Variants in WWOX observed in about 807,000 individuals in gnomAD.
The protein encoded by WWOX is WW domain-containing oxidoreductase.
Under a neutral mutation model 46.2 loss-of-function variants are expected in WWOX, and 69 were observed. The observed-to-expected ratio is 1.49, with a 90% CI of 1.23 to 1.82. The LOEUF (loss-of-function observed/expected upper bound fraction) is 1.82. WWOX is among the 40% of genes most tolerant of loss of function. The pLI is 0.00. For missense variants in WWOX, 919 were observed against 542.6 expected, an observed-to-expected ratio of 1.69 and a Z score of -6.89; for synonymous variants, 359 against 202.6, an observed-to-expected ratio of 1.77 and a Z score of -6.56.
chr16:78,938,015 T>C (rs981172715), intron 8 of WWOX, among the ~76,000 whole-genome samples: 2 of 152,218 alleles, frequency 1.3e-5, no homozygotes, highest in Non-Finnish European at 2.9e-5. Flanking sequence ...CCTAAGGTAT[T>C]GCTGTCCTCA....
intron 8 of WWOX, among the ~76,000 whole-genome samples, chr16:79,179,176 G>A (rs2050860505): frequency 6.6e-6 from 1 of 152,196 alleles, no homozygotes. Context: ...TAAAAGTCCT[G>A]TCTTCCAAAA....
At chr16:78,638,380 C>T (rs1160044930) in intron 8 of WWOX, among the ~76,000 whole-genome samples, 1 of 152,118 alleles carries the variant, frequency 6.6e-6, no homozygotes, top group African/African-American at 2.4e-5. Flanking sequence ...GTCCTTTCCC[C>T]CTCTGGCTGG....
At chr16:78,492,863 G>A (rs567439985) in intron 8 of WWOX, among the ~76,000 whole-genome samples, 1 of 152,212 alleles carries the variant, frequency 6.6e-6, no homozygotes, top group African/African-American at 2.4e-5. Flanking sequence ...CTTGAGCCTG[G>A]AGACGGCAAG....
chr16:79,032,328 A>G (rs1032494486), intron 8 of WWOX, among the ~76,000 whole-genome samples: 3 of 146,430 alleles, frequency 2.0e-5, no homozygotes, highest in Non-Finnish European at 4.5e-5. Flanking sequence ...TCTATATATT[A>G]TATTATAATG....
At chr16:78,124,452 C>T (rs906065721) in intron 4 of WWOX, 1 of 152,154 alleles carries the variant, frequency 6.6e-6, no homozygotes, top group African/African-American at 2.4e-5. Flanking sequence ...GTAGCCTATA[C>T]ATGAGTAGAT....
At chr16:78,428,977 A>G (rs2083152725) in intron 7 of WWOX, among the ~76,000 whole-genome samples, 1 of 152,234 alleles carries the variant, frequency 6.6e-6, no homozygotes. Context: ...GAAACTGTCA[A>G]ATTCTCATCA....
intron 8 of WWOX, among the ~76,000 whole-genome samples, chr16:78,512,472 T>A (rs912516382): frequency 5.3e-5 from 8 of 152,186 alleles, no homozygotes; most frequent in Admixed American, 3.3e-4. Flanking sequence ...CCAAAACCCA[T>A]TTTATCACTT....
intron 5 of WWOX, among the ~76,000 whole-genome samples, chr16:78,305,183 G>A (rs912739886): frequency 1.1e-4 from 17 of 152,080 alleles, no homozygotes; most frequent in African/African-American, 3.9e-4. Flanking sequence ...ACTTCATAGT[G>A]TGATTCAAAT....
intron 8 of WWOX, among the ~76,000 whole-genome samples, chr16:78,546,292 G>T (rs1043291772): frequency 6.6e-6 from 1 of 152,170 alleles, no homozygotes; most frequent in Non-Finnish European, 1.5e-5. Context: ...ACAGAAGGGG[G>T]TCAGGCAGGA....
intron 8 of WWOX, among the ~76,000 whole-genome samples, chr16:78,765,991 A>G (rs1030070931): frequency 1.3e-5 from 2 of 152,298 alleles, no homozygotes; most frequent in South Asian, 2.1e-4. Flanking sequence ...AGATCCAGGA[A>G]ATACAGCTGG....
intron 8 of WWOX, among the ~76,000 whole-genome samples, chr16:79,047,748 G>C (rs1357444009): frequency 7.2e-6 from 1 of 138,746 alleles, no homozygotes; most frequent in Non-Finnish European, 1.5e-5. Context: ...TAACGTCACA[G>C]GGCAGCTGTA....
chr16:78,232,811 G>T (rs1451455670), intron 5 of WWOX, among the ~76,000 whole-genome samples: 2 of 151,514 alleles, frequency 1.3e-5, no homozygotes, highest in African/African-American at 4.8e-5. Context: ...AAAAAGGAAT[G>T]AATATCTGTA....
At chr16:78,291,745 T>C (rs2079861799) in intron 5 of WWOX, among the ~76,000 whole-genome samples, 1 of 152,154 alleles carries the variant, frequency 6.6e-6, no homozygotes, top group Admixed American at 6.5e-5. Flanking sequence ...AATTAGCACT[T>C]TATCAAGTTT....
chr16:79,045,480 A>G (rs2048047149), intron 8 of WWOX, among the ~76,000 whole-genome samples: 1 of 152,212 alleles, frequency 6.6e-6, no homozygotes. Flanking sequence ...TGACCTCTCC[A>G]GAAAGAGAGA....
chr16:78,422,742 TATATACAC>T lies in WWOX; in HGVS notation c.606-2122_606-2115del, dbSNP rs1567563427. On this transcript the variant is annotated intron_variant, in intron 6 of 8. Coordinates refer to ENST00000566780, the MANE Select transcript of WWOX (RefSeq NM_016373.4). ...ACACATATATATATACACACACATATATATACACATATATACACATATATATACACACA... is the reference window on the plus strand; with the variant it reads ...ACACATATATATATACACACACATATATATATACACATATATATACACACA... Among the ~76,000 whole-genome samples the T allele has an allele frequency of 9.6e-4, 102 of 106,784 alleles. 13 individuals carry two copies. The highest frequency in any genetic ancestry group is 6.2e-3 in the African/African-American group (97 of 15,756). 70.1% of individuals were successfully genotyped at this position (106,784 alleles called of 152,430 possible). A position where few individuals can be genotyped will look rare whatever the true frequency, so the allele number is the denominator to read the frequency against.
At chr16:78,393,153 G>A (rs1158797679) in intron 6 of WWOX, among the ~76,000 whole-genome samples, 1 of 152,158 alleles carries the variant, frequency 6.6e-6, no homozygotes, top group Admixed American at 6.5e-5. Flanking sequence ...ATAGGAGTAT[G>A]AAGAGCTGGG....
intron 8 of WWOX, among the ~76,000 whole-genome samples, chr16:78,503,286 A>G (rs2085114203): frequency 6.6e-6 from 1 of 152,090 alleles, no homozygotes; most frequent in African/African-American, 2.4e-5. Flanking sequence ...TTTCATTTTC[A>G]CTGAACTGAA....
intron 8 of WWOX, among the ~76,000 whole-genome samples, chr16:78,564,294 A>G (rs1372842952): frequency 6.6e-6 from 1 of 152,236 alleles, no homozygotes; most frequent in Admixed American, 6.5e-5. Context: ...GTAAAGAAGT[A>G]AAATGTGTAG....
At chr16:79,169,084 A>C (rs2150765089) in intron 8 of WWOX, among the ~76,000 whole-genome samples, 1 of 152,354 alleles carries the variant, frequency 6.6e-6, no homozygotes, top group South Asian at 2.1e-4. Context: ...CTGTTTTATA[A>C]ACATGATCCC....
Sources: gnomAD v4.1 joint callset for allele counts (sites outside exome capture counted in the v4.1 genomes callset) on GRCh38, gnomAD v4.1.1 for gene constraint, MANE v1.5 for transcripts, NCBI Gene and HGNC (gene_info 2026-07-23, HGNC 2026-07-21) for gene names.